Variants in FILIP1 observed in about 807,000 individuals in gnomAD.
FILIP1 encodes filamin-A-interacting protein 1.
A neutral mutation model predicts 102.1 loss-of-function variants in FILIP1; 61 were observed. The ratio of observed to expected loss-of-function variants is 0.60; its 90% CI spans 0.49 to 0.74. The LOEUF (loss-of-function observed/expected upper bound fraction) is 0.74, where lower values mean the gene tolerates loss of function less well. Among genes scored for constraint, FILIP1 ranks in the 30% least tolerant of loss-of-function variants. FILIP1 has a pLI of 0.00. For missense variants in FILIP1, 1,314 were observed against 1,441.2 expected, an observed-to-expected ratio of 0.91 and a Z score of 1.43; for synonymous variants, 491 against 526.9, an observed-to-expected ratio of 0.93 and a Z score of 0.93.
chr6:75,423,801 C>T (rs1193535764), intron 1 of FILIP1, among the ~76,000 whole-genome samples: 1 of 152,158 alleles, frequency 6.6e-6, no homozygotes, highest in Non-Finnish European at 1.5e-5. Context: ...GCTGGGAAAA[C>T]ACTTCCACAA....
At chr6:75,355,307 C>A (rs561312969) in intron 3 of FILIP1, among the ~76,000 whole-genome samples, 12 of 148,178 alleles carry the variant, frequency 8.1e-5, no homozygotes, top group African/African-American at 2.9e-4. Context: ...AAACCAAAAC[C>A]AAAACAAAAC....
chr6:75,320,259 G>A (rs1773603791), intron 4 of FILIP1, among the ~76,000 whole-genome samples: 1 of 152,046 alleles, frequency 6.6e-6, no homozygotes, highest in African/African-American at 2.4e-5. Flanking sequence ...ACTTGAATTA[G>A]AAACATAAAT....
At chr6:75,322,551 G>A (rs1773699031) in intron 4 of FILIP1, among the ~76,000 whole-genome samples, 1 of 152,092 alleles carries the variant, frequency 6.6e-6, no homozygotes, top group Admixed American at 6.5e-5. Flanking sequence ...CTTTTTCTTG[G>A]CAAATTTTAA....
chr6:75,434,225 G>C (rs184056256), intron 1 of FILIP1, among the ~76,000 whole-genome samples: 256 of 152,300 alleles, frequency 1.7e-3, no homozygotes, highest in African/African-American at 5.8e-3. Context: ...ATTCTGTAAA[G>C]ACAGTCATTG....
At chr6:75,386,589 G>GGCTT (rs1188307995) in intron 2 of FILIP1, among the ~76,000 whole-genome samples, 2 of 152,156 alleles carry the variant, frequency 1.3e-5, no homozygotes, top group African/African-American at 4.8e-5. Context: ...GAGTTCTCAA[G>GGCTT]GCTTACATCT....
chr6:75,450,087 A>C (rs891636861), intron 1 of FILIP1, among the ~76,000 whole-genome samples: 2 of 152,082 alleles, frequency 1.3e-5, no homozygotes, highest in Non-Finnish European at 2.9e-5. Context: ...CTACAGGCGC[A>C]CACCACTGTG....
At chr6:75,332,250 A>C (rs1376413998) in intron 4 of FILIP1, among the ~76,000 whole-genome samples, 1 of 152,100 alleles carries the variant, frequency 6.6e-6, no homozygotes, top group Admixed American at 6.6e-5. Flanking sequence ...TATGCCTTTT[A>C]TTGTGTTTTC....
chr6:75,420,483 G>T lies in FILIP1; in HGVS notation c.-6-5505C>A, dbSNP rs185707337. The stretch of plus-strand genomic sequence containing the variant: ...ATTGATGACTCTTCTATCATAATGT[G>T]TCCGGTAGCTGTCCTCTACTTTCCA... On this transcript the variant is annotated intron_variant, in intron 1 of 5. Transcript: ENST00000237172. Among the ~76,000 whole-genome samples the T allele has an allele frequency of 1.5e-3, 228 of 152,076 alleles. 4 individuals carry two copies. The highest frequency in any genetic ancestry group is 0.015 in the Admixed American group (223 of 15,256).
At position 75,313,239 on chromosome 6, in the gene FILIP1, T is replaced by G; in HGVS notation, c.2593A>C (p.Met865Leu). The part of the protein sequence containing the change: ...RYPPAANELT[M>L]RKSWIPWMRK... ...ATCCATGGAATCCAAGACTTTCTCA[T>G]AGTGAGCTCATTTGCTGCTGGAGGA... The change falls in exon 5 of 6, where the codon ATG becomes CTG. Residue 865 changes from methionine to leucine, a missense_variant. This residue lies in a region of FILIP1 where 816 missense variants were observed against 913.1 expected (regional missense o/e 0.89). Transcript: ENST00000237172. The surrounding 1 kb of genome is among the most constrained non-coding windows in gnomAD (Gnocchi z 4.2). 2 of 1,614,198 alleles carry G rather than the reference T, an allele frequency of 1.2e-6. No individual in the cohort carries two copies. The highest frequency in any genetic ancestry group is 1.7e-6 in the Non-Finnish European group (2 of 1,180,032).
chr6:75,303,193 G>C (rs1772891791), downstream of FILIP1, among the ~76,000 whole-genome samples: 1 of 152,140 alleles, frequency 6.6e-6, no homozygotes, highest in South Asian at 2.1e-4. Flanking sequence ...ATAAGAGAAG[G>C]AGAAGCTTTG....
chr6:75,468,596 G>A (rs1779241065), intron 1 of FILIP1, among the ~76,000 whole-genome samples: 1 of 152,114 alleles, frequency 6.6e-6, no homozygotes, highest in African/African-American at 2.4e-5. Context: ...GTGATGAACA[G>A]ATATAAAGTA....
chr6:75,380,926 T>C (rs1056942079), intron 2 of FILIP1, among the ~76,000 whole-genome samples: 3 of 152,166 alleles, frequency 2.0e-5, no homozygotes, highest in Non-Finnish European at 4.4e-5. Flanking sequence ...ATGAAAAACT[T>C]TTTTCATAAC....
chr6:75,344,472 G>C lies in FILIP1; in HGVS notation c.629+9067C>G, dbSNP rs564926864. ...CTATCATTTTCTGAAACATAAGAAT[G>C]GACAACACTGGGCCTACCAACTAAA... is the stretch of plus-strand genomic sequence containing the variant. On this transcript the variant is annotated intron_variant, in intron 4 of 5. Transcript: ENST00000237172. Among the ~76,000 whole-genome samples, 31 of 152,316 alleles carry C rather than the reference G, an allele frequency of 2.0e-4. No homozygotes were observed. In the South Asian group the frequency reaches 6.2e-3, roughly 31 times the overall value.
chr6:75,378,012 T>C (rs1274303530), intron 2 of FILIP1, among the ~76,000 whole-genome samples: 4 of 152,230 alleles, frequency 2.6e-5, no homozygotes, highest in African/African-American at 9.6e-5. Context: ...TACTGAATCA[T>C]TGCTCCCCAG....
intron 1 of FILIP1, among the ~76,000 whole-genome samples, chr6:75,436,792 G>A (rs1778040361): frequency 6.6e-6 from 1 of 152,096 alleles, no homozygotes; most frequent in Non-Finnish European, 1.5e-5. Flanking sequence ...CAAACAATGG[G>A]AAATGATGTG....
At chr6:75,416,676 C>T (rs1457501031) in intron 1 of FILIP1, among the ~76,000 whole-genome samples, 1 of 151,934 alleles carries the variant, frequency 6.6e-6, no homozygotes, top group Non-Finnish European at 1.5e-5. Context: ...ATGGACTTCC[C>T]TAACTGAATT....
At chr6:75,413,996 A>G (rs1777166276) in intron 2 of FILIP1, among the ~76,000 whole-genome samples, 1 of 150,876 alleles carries the variant, frequency 6.6e-6, no homozygotes, top group East Asian at 1.9e-4. Flanking sequence ...GAAGCCTGAG[A>G]TGAGATCCGG....
Position 75,369,749 on chromosome 6 carries a change from G to A in FILIP1, c.277-6832C>T, listed in dbSNP as rs571749767. On this transcript the variant is annotated intron_variant, in intron 2 of 5. Transcript: ENST00000237172. ...CACTAAGATTACTGAAAGACTTGGG[G>A]TAGATGATAAGTAGTTTAAAACTCA... is the stretch of plus-strand genomic sequence containing the variant. Among the ~76,000 whole-genome samples the A allele has an allele frequency of 6.8e-4, 104 of 152,282 alleles. 1 individual carries two copies. Among genetic ancestry groups the A allele is most frequent in the South Asian group, 2.1e-3 (10 of 4,820 alleles).
At chr6:75,406,281 C>T (rs973649335) in intron 2 of FILIP1, among the ~76,000 whole-genome samples, 1 of 152,168 alleles carries the variant, frequency 6.6e-6, no homozygotes, top group East Asian at 1.9e-4. Context: ...TACTACTTCA[C>T]TAAAGCCAGA....
Sources: gnomAD v4.1 joint callset for allele counts (sites outside exome capture counted in the v4.1 genomes callset) on GRCh38, gnomAD v4.1.1 for gene constraint, gnomAD v4.1.1 regional missense constraint, Gnocchi (gnomAD v3.1) non-coding constraint, MANE v1.5 for transcripts, NCBI Gene and HGNC (gene_info 2026-07-23, HGNC 2026-07-21) for gene names.